AUTS2: variants seen among roughly 807,000 people sequenced by gnomAD.
AUTS2 encodes the protein activator of transcription and developmental regulator AUTS2, also known as autism susceptibility gene 2 protein.
AUTS2 carries 17 observed loss-of-function variants against 112.4 expected under a neutral mutation model. The ratio of observed to expected loss-of-function variants is 0.15; its 90% CI spans 0.10 to 0.23. The LOEUF is 0.23. Ranked by LOEUF, AUTS2 falls within the 10% of genes least tolerant of loss-of-function variation. The pLI, the probability that AUTS2 is intolerant of heterozygous loss-of-function variation, is 1.00. For synonymous variants in AUTS2, 751 were observed against 702.7 expected (o/e 1.07, Z -1.09); for missense variants, 1,510 against 1,701.6 (o/e 0.89, Z 1.98).
intron 6 of AUTS2, among the ~76,000 whole-genome samples, chr7:70,708,053 G>C (rs955640239): frequency 6.6e-6 from 1 of 152,134 alleles, no homozygotes; most frequent in Admixed American, 6.5e-5. Context: ...AAGTGTGCCC[G>C]TTAATAGACT....
intron 13 of AUTS2, 165 bp from the exon 14 acceptor site, chr7:70,776,910 GGGGAGCTGGCTGTGACTCCCTTATGACT>G: frequency 1.6e-6 from 1 of 628,604 alleles, no homozygotes; most frequent in East Asian, 2.9e-5. Flanking sequence ...GGGGAGAGAG[GGGGAGCTGGCTGTGACTCCCTTATGACT>G]GGGCGCTGGA....
At chr7:69,637,574 A>G (rs1266914144) in intron 1 of AUTS2, among the ~76,000 whole-genome samples, 10 of 152,368 alleles carry the variant, frequency 6.6e-5, no homozygotes, top group Admixed American at 6.5e-5. Flanking sequence ...ATTGTAGAAT[A>G]AAAGCAGGTA....
intron 6 of AUTS2, among the ~76,000 whole-genome samples, chr7:70,700,017 A>G (rs79361917): frequency 0.013 from 1,916 of 152,108 alleles, 36 homozygotes; most frequent in African/African-American, 0.044. Context: ...TTTGGAATGT[A>G]TTTCCCCTTT....
Position 70,109,646 on chromosome 7 carries a change from C to T in AUTS2, c.523-8486C>T, listed in dbSNP as rs138899104. Among the ~76,000 whole-genome samples the T allele has an allele frequency of 3.0e-3, 456 of 152,258 alleles. 2 individuals are homozygous for T. Among genetic ancestry groups the T allele is most frequent in the Non-Finnish European group, 2.8e-3 (193 of 68,034 alleles). Reference sequence around the variant, plus strand: ...TACGATAAAGGGTTATGGAGACCAACGTTTTATCATGCAGATAAAGCCTCC... The same window carrying T: ...TACGATAAAGGGTTATGGAGACCAATGTTTTATCATGCAGATAAAGCCTCC... On this transcript the variant is annotated intron_variant, in intron 2 of 18. Transcript: ENST00000342771.
intron 1 of AUTS2, among the ~76,000 whole-genome samples, chr7:69,814,408 C>G (rs1242655071): frequency 6.6e-6 from 1 of 152,216 alleles, no homozygotes; most frequent in South Asian, 2.1e-4. Context: ...CACAAAAGCA[C>G]TTTGTGGACA....
intron 5 of AUTS2, among the ~76,000 whole-genome samples, chr7:70,524,979 G>A (rs539487928): frequency 1.9e-4 from 29 of 152,200 alleles, no homozygotes; most frequent in African/African-American, 5.5e-4. Context: ...GAGGATGATG[G>A]CATTTTCATA....
chr7:69,794,765 A>G (rs531270944), intron 1 of AUTS2, among the ~76,000 whole-genome samples: 1 of 152,194 alleles, frequency 6.6e-6, no homozygotes, highest in East Asian at 1.9e-4. Context: ...GGGGACGGTC[A>G]GTGTTATCAA....
chr7:70,212,291 T>C (rs1810947490), intron 4 of AUTS2, among the ~76,000 whole-genome samples: 2 of 152,236 alleles, frequency 1.3e-5, no homozygotes, highest in Non-Finnish European at 2.9e-5. Flanking sequence ...TTGCGCTTTT[T>C]CCGCAGTACA....
intron 1 of AUTS2, among the ~76,000 whole-genome samples, chr7:69,777,320 C>G (rs567503955): frequency 6.6e-6 from 1 of 152,176 alleles, no homozygotes; most frequent in East Asian, 1.9e-4. Context: ...CTTAGCTTTT[C>G]TAGTTGTGTT....
chr7:70,647,542 G>A (rs555336306), intron 5 of AUTS2, among the ~76,000 whole-genome samples: 2 of 152,360 alleles, frequency 1.3e-5, no homozygotes, highest in East Asian at 1.9e-4. Flanking sequence ...ATGGTTTCTT[G>A]AAAATGATGC....
At chr7:69,995,986 C>T (rs113154305) in intron 2 of AUTS2, among the ~76,000 whole-genome samples, 41 of 152,264 alleles carry the variant, frequency 2.7e-4, no homozygotes, top group Middle Eastern at 3.4e-3. Context: ...TTCTTGGAAG[C>T]GAAGTACTTT....
chr7:70,683,498 T>A (rs1451879142), intron 5 of AUTS2, among the ~76,000 whole-genome samples: 1 of 152,212 alleles, frequency 6.6e-6, no homozygotes, highest in Non-Finnish European at 1.5e-5. Flanking sequence ...CAGTATCTTG[T>A]TCCCAGTGAG....
chr7:70,718,838 G>A (rs1810516469), intron 6 of AUTS2, among the ~76,000 whole-genome samples: 1 of 151,946 alleles, frequency 6.6e-6, no homozygotes, highest in African/African-American at 2.4e-5. Flanking sequence ...TGATAATTAA[G>A]GTGACTATAT....
intron 5 of AUTS2, among the ~76,000 whole-genome samples, chr7:70,680,574 A>G (rs1022734460): frequency 1.3e-5 from 2 of 152,120 alleles, no homozygotes; most frequent in African/African-American, 4.8e-5. Context: ...ATGCCTCCTC[A>G]TGCACCCCCA....
chr7:69,967,336 C>T (rs921693412), intron 2 of AUTS2, among the ~76,000 whole-genome samples: 6 of 151,990 alleles, frequency 3.9e-5, no homozygotes, highest in African/African-American at 1.5e-4. Context: ...CATAGCCTGC[C>T]TCCTGCCTTT....
chr7:70,290,244 A>C lies in AUTS2; in HGVS notation c.661-145508A>C, dbSNP rs567147107. 4 of 1,068,368 alleles carry C rather than the reference A, an allele frequency of 3.7e-6. No homozygotes were observed. The South Asian group carries it at 8.9e-5, about 24-fold the overall frequency. 66.2% of individuals were successfully genotyped at this position (1,068,368 alleles called of 1,614,324 possible). A position where few individuals can be genotyped will look rare whatever the true frequency, so the allele number is the denominator to read the frequency against. ...CTTATGTTTTTCTGTGTAAAGGAGA[A>C]ATAATTTCCCAATTTTATAAAACAA... is the stretch of plus-strand genomic sequence containing the variant. On this transcript the variant is annotated intron_variant, in intron 4 of 18. Transcript: ENST00000342771.
intron 2 of AUTS2, among the ~76,000 whole-genome samples, chr7:70,021,785 A>G (rs984014663): frequency 6.6e-6 from 1 of 152,100 alleles, no homozygotes; most frequent in Non-Finnish European, 1.5e-5. Flanking sequence ...AGGTTACCCA[A>G]ATCTGCATAC....
intron 1 of AUTS2, among the ~76,000 whole-genome samples, chr7:69,798,734 T>C (rs1789958065): frequency 6.6e-6 from 1 of 152,196 alleles, no homozygotes; most frequent in South Asian, 2.1e-4. Flanking sequence ...CTCACTCCTG[T>C]AATCCTTGCA....
chr7:70,247,909 C>T (rs140625122), intron 4 of AUTS2, among the ~76,000 whole-genome samples: 3 of 152,084 alleles, frequency 2.0e-5, no homozygotes, highest in East Asian at 3.9e-4. Context: ...TAAGGAAGTT[C>T]CCTTCATTTC....
Sources: allele counts gnomAD v4.1 joint callset (sites outside exome capture counted in the v4.1 genomes callset), GRCh38; gene constraint gnomAD v4.1.1; transcripts MANE v1.5; gene names NCBI Gene and HGNC (gene_info 2026-07-23, HGNC 2026-07-21).